TRIM24: variants seen among roughly 807,000 people sequenced by gnomAD.
TRIM24 encodes transcription intermediary factor 1-alpha.
In TRIM24, 29 loss-of-function variants were observed where a neutral mutation model predicts 123.9. That is an observed-to-expected ratio of 0.23 (90% CI 0.17 to 0.32). TRIM24 has a LOEUF of 0.32. TRIM24 is among the 10% of genes least tolerant of loss of function. The probability of loss-of-function intolerance (pLI) is 1.00; values close to 1 mark genes in which losing one functional copy is unlikely to be tolerated. For missense variants in TRIM24, 932 were observed against 1,295.3 expected, an observed-to-expected ratio of 0.72 and a Z score of 4.31; for synonymous variants, 456 against 461.1, an observed-to-expected ratio of 0.99 and a Z score of 0.14.
intron 1 of TRIM24, among the ~76,000 whole-genome samples, chr7:138,482,831 G>T (rs553742428): frequency 1.3e-5 from 2 of 152,026 alleles, no homozygotes; most frequent in East Asian, 3.9e-4. Context: ...TTGAACTCCT[G>T]GACTCAAGTG....
At chr7:138,544,137 T>C (rs556485871) in intron 7 of TRIM24, among the ~76,000 whole-genome samples, 1 of 152,328 alleles carries the variant, frequency 6.6e-6, no homozygotes, top group East Asian at 1.9e-4. Context: ...TCAATGCTTA[T>C]TCATTCTACC....
At chr7:138,472,439 T>C (rs1489891778) in intron 1 of TRIM24, among the ~76,000 whole-genome samples, 2 of 152,158 alleles carry the variant, frequency 1.3e-5, no homozygotes, top group East Asian at 3.9e-4. Flanking sequence ...TACAGGTGTG[T>C]GTGTCCTCAA....
At chr7:138,557,096 G>C (rs1273353893) in intron 9 of TRIM24, among the ~76,000 whole-genome samples, 3 of 152,174 alleles carry the variant, frequency 2.0e-5, no homozygotes, top group Non-Finnish European at 4.4e-5. Context: ...GGCATGAGGA[G>C]ATAGTAAAGG....
At chr7:138,529,021 C>T (rs1171143627) in intron 5 of TRIM24, 95 bp from the exon 6 acceptor site, 4 of 601,532 alleles carry the variant, frequency 6.6e-6, no homozygotes, top group Non-Finnish European at 1.1e-5. Flanking sequence ...CTTCTAAGGG[C>T]TGAAAACATT....
intron 1 of TRIM24, among the ~76,000 whole-genome samples, chr7:138,485,946 A>G (rs548536557): frequency 6.6e-5 from 10 of 152,230 alleles, no homozygotes; most frequent in African/African-American, 2.4e-4. Flanking sequence ...ACCAGTTTAC[A>G]CTCCCACCAA....
In TRIM24 at chr7:138,578,568, G is replaced by A. The variant is rs925690399; in HGVS notation, c.2257-636G>A. Among the ~76,000 whole-genome samples the A allele has an allele frequency of 6.5e-5, 9 of 138,352 alleles. No homozygotes were observed. In the East Asian group the frequency reaches 7.8e-4, roughly 12 times the overall value. The allele number at this position is 138,352 out of a possible 152,430, so 90.8% of individuals were successfully genotyped here. ...TGTGTGTGTGTGTGTGTGTGTGCGC[G>A]CACGCACGAATGGAAGCAGGACGGG... is the stretch of plus-strand genomic sequence containing the variant. On this transcript the variant is annotated intron_variant, in intron 14 of 18. Transcript: ENST00000343526.
intron 14 of TRIM24, among the ~76,000 whole-genome samples, chr7:138,578,385 A>G (rs1227776083): frequency 6.6e-6 from 1 of 152,224 alleles, no homozygotes; most frequent in Non-Finnish European, 1.5e-5. Flanking sequence ...TGTGATTTTC[A>G]GAATACTTAA....
intron 11 of TRIM24, among the ~76,000 whole-genome samples, chr7:138,571,231 G>A (rs1005560800): frequency 6.6e-6 from 1 of 152,054 alleles, no homozygotes; most frequent in Non-Finnish European, 1.5e-5. Context: ...CTTGGGAGGC[G>A]GAGGCTGTGG....
chr7:138,479,280 A>G (rs1795472410), intron 1 of TRIM24, among the ~76,000 whole-genome samples: 1 of 152,176 alleles, frequency 6.6e-6, no homozygotes, highest in South Asian at 2.1e-4. Context: ...AGAAACACAC[A>G]TAGCCAGTAA....
intron 2 of TRIM24, among the ~76,000 whole-genome samples, chr7:138,504,687 C>T (rs28593099): frequency 0.013 from 1,978 of 151,846 alleles, 37 homozygotes; most frequent in African/African-American, 0.045. Flanking sequence ...GTCTCAATCT[C>T]CTGACCTCTT....
chr7:138,514,414 ACT>A (rs1563041402), intron 2 of TRIM24: 1 of 151,952 alleles, frequency 6.6e-6, no homozygotes, highest in African/African-American at 2.4e-5. Context: ...TTGCCTTGTG[ACT>A]CTGCTTAATC....
At chr7:138,537,379 GTT>G (rs71177994) in intron 6 of TRIM24, among the ~76,000 whole-genome samples, 216 of 56,584 alleles carry the variant, frequency 3.8e-3, no homozygotes, top group African/African-American at 0.015. Context: ...ACCCCTGTTT[GTT>G]TTTTTTTTTT....
At chr7:138,584,721 A>AT in intron 18 of TRIM24, 21 bp from the exon 19 acceptor site, 1 of 1,565,346 alleles carries the variant, frequency 6.4e-7, no homozygotes. Flanking sequence ...TTTTTTACTC[A>AT]TTTTTATTTT....
At chr7:138,492,738 C>T (rs1178248659) in intron 1 of TRIM24, among the ~76,000 whole-genome samples, 5 of 152,078 alleles carry the variant, frequency 3.3e-5, no homozygotes, top group African/African-American at 7.2e-5. Flanking sequence ...GTAAAGTTAC[C>T]GCAGTAACAA....
intron 5 of TRIM24, 48 bp from the exon 6 acceptor site, chr7:138,529,068 T>C: frequency 1.7e-6 from 2 of 1,178,810 alleles, no homozygotes; most frequent in Admixed American, 5.2e-5. Flanking sequence ...CAATTTTAAA[T>C]ATTATACAAA....
At chr7:138,495,605 ATTTATTTTC>A (rs377243192) in intron 1 of TRIM24, among the ~76,000 whole-genome samples, 5 of 151,780 alleles carry the variant, frequency 3.3e-5, no homozygotes, top group African/African-American at 1.2e-4. Context: ...AGGATGGTAT[ATTTATTTTC>A]TTTATCTTTT....
chr7:138,529,269 T>C, intron 6 of TRIM24, 39 bp downstream of exon 6: 1 of 1,026,502 alleles, frequency 9.7e-7, no homozygotes, highest in Non-Finnish European at 1.4e-6. Context: ...TGATTCAACA[T>C]AGTATTTCCT....
At chr7:138,582,884 T>C (rs1272906984) in intron 17 of TRIM24, among the ~76,000 whole-genome samples, 1 of 152,210 alleles carries the variant, frequency 6.6e-6, no homozygotes. Flanking sequence ...GGGTCTTTTG[T>C]ACCCAAAAGA....
At chr7:138,468,319 A>G (rs1181929979) in intron 1 of TRIM24, among the ~76,000 whole-genome samples, 1 of 152,152 alleles carries the variant, frequency 6.6e-6, no homozygotes. Context: ...TGTTAAATCA[A>G]TCTTGCATTC....
Sources: gnomAD v4.1 joint callset for allele counts (sites outside exome capture counted in the v4.1 genomes callset) on GRCh38, gnomAD v4.1.1 for gene constraint, MANE v1.5 for transcripts, NCBI Gene and HGNC (gene_info 2026-07-23, HGNC 2026-07-21) for gene names.